The following ATP9B variants were observed in gnomAD, a reference collection of about 807,000 sequenced individuals.
ATP9B encodes the protein probable phospholipid-transporting ATPase IIB.
A neutral mutation model predicts 146.1 loss-of-function variants in ATP9B; 110 were observed. The ratio of observed to expected loss-of-function variants is 0.75; its 90% confidence interval spans 0.65 to 0.88. The LOEUF is 0.88. ATP9B is among the 40% of genes least tolerant of loss of function. The pLI, the probability that ATP9B is intolerant of heterozygous loss-of-function variation, is 0.00. For missense variants in ATP9B, 1,499 were observed against 1,496.4 expected (o/e 1.00, Z -0.03); for synonymous variants, 604 against 569.7 (o/e 1.06, Z -0.86).
intron 1 of ATP9B, among the ~76,000 whole-genome samples, chr18:79,090,065 C>T (rs1016706288): frequency 4.6e-5 from 7 of 152,080 alleles, no homozygotes; most frequent in African/African-American, 1.7e-4. Flanking sequence ...AAAATAATGT[C>T]CTTTTGTTCC....
intron 25 of ATP9B, among the ~76,000 whole-genome samples, chr18:79,351,774 G>A (rs1381398489): frequency 1.3e-5 from 2 of 152,082 alleles, no homozygotes; most frequent in African/African-American, 4.8e-5. Flanking sequence ...GGAAACCCAG[G>A]GAGGGACCAG....
At chr18:79,080,448 G>A (rs2073125191) in intron 1 of ATP9B, among the ~76,000 whole-genome samples, 1 of 152,120 alleles carries the variant, frequency 6.6e-6, no homozygotes, top group African/African-American at 2.4e-5. Flanking sequence ...TTGTCTATTG[G>A]TGTATAGGAA....
chr18:79,362,316 C>T (rs1358016817), intron 26 of ATP9B: 7 of 152,074 alleles, frequency 4.6e-5, no homozygotes, highest in East Asian at 1.9e-4. Context: ...TGCTGTGTCT[C>T]GATGGCCTGA....
Position 79,290,713 on chromosome 18 carries a change from C to T in ATP9B, c.1412-12891C>T, listed in dbSNP as rs559436234. The stretch of plus-strand genomic sequence containing the variant: ...AATCACCCATCTTCTGCCTTGCTCA[C>T]GCTGGGAGCTGTAGACTGGAGCTGT... On this transcript the variant is annotated intron_variant, in intron 13 of 29. Coordinates refer to ENST00000426216, the MANE Select transcript of ATP9B (RefSeq NM_198531.5). Among the ~76,000 whole-genome samples the T allele has an allele frequency of 2.0e-4, 30 of 152,356 alleles. No individual in the cohort carries two copies. The East Asian group carries it at 4.2e-3, about 22-fold the overall frequency.
At position 79,154,554 on chromosome 18, in the gene ATP9B, A is replaced by G; in HGVS notation, c.777A>G (p.Ala259=). ...TGTTTCTTAGGACTTCAGAAAAAGC[A>G]GGTATTTTTACATTTAAAAAAACTT... ...DMVFLRTSEK[A]GSCFIRTDQL... is the part of the protein sequence containing the mutation. Residue 259 remains alanine, a splice_region_variant and synonymous_variant, in exon 7 of 30, where the codon GCA becomes GCG. Transcript: ENST00000426216. The G allele has an allele frequency of 6.6e-7, 1 of 1,522,542 alleles. No homozygotes were observed. The highest frequency in any genetic ancestry group is 1.4e-5 in the South Asian group (1 of 73,778). 94.3% of individuals were successfully genotyped at this position (1,522,542 alleles called of 1,614,324 possible). A position where few individuals can be genotyped will look rare whatever the true frequency, so the allele number is the denominator to read the frequency against.
At chr18:79,081,104 G>A (rs1292314995) in intron 1 of ATP9B, among the ~76,000 whole-genome samples, 3 of 152,164 alleles carry the variant, frequency 2.0e-5, no homozygotes, top group Admixed American at 6.5e-5. Context: ...TCTCTGCCAG[G>A]TTTTGTTATC....
intron 4 of ATP9B, among the ~76,000 whole-genome samples, 181 bp downstream of exon 4, chr18:79,113,535 A>G (rs2094010361): frequency 6.6e-6 from 1 of 152,226 alleles, no homozygotes. Context: ...CATGGGAAGT[A>G]TGGTGGCAGC....
chr18:79,209,645 A>T (rs1004628773), intron 10 of ATP9B: 3 of 985,260 alleles, frequency 3.0e-6, no homozygotes, highest in Non-Finnish European at 3.6e-6. Context: ...TCTCTTTGCC[A>T]TCTAGCATTC....
intron 2 of ATP9B, among the ~76,000 whole-genome samples, chr18:79,098,062 C>G (rs1006745528): frequency 1.8e-4 from 27 of 150,874 alleles, no homozygotes; most frequent in Non-Finnish European, 2.8e-4. Context: ...TGGAACAGAA[C>G]AGAGCCCTCA....
At position 79,143,793 on chromosome 18, in the gene ATP9B, T is replaced by A; in HGVS notation, c.668-9T>A. On this transcript the variant is annotated splice_polypyrimidine_tract_variant and intron_variant, in intron 5 of 29. Transcript: ENST00000426216. Reference sequence around the variant, plus strand: ...TCCTTGAGTTGACTGTACTTCTTCTTTTTTTAAGGTAAAGTGCAAGTTAAG... The same window carrying A: ...TCCTTGAGTTGACTGTACTTCTTCTATTTTTAAGGTAAAGTGCAAGTTAAG... 6.4e-7 allele frequency: 1 copy of A among 1,562,772 alleles called. No individual in the cohort carries two copies. The highest frequency in any genetic ancestry group is 2.3e-5 in the East Asian group (1 of 43,714).
chr18:79,261,120 T>A (rs531136537), intron 12 of ATP9B, among the ~76,000 whole-genome samples: 23 of 152,252 alleles, frequency 1.5e-4, no homozygotes, highest in African/African-American at 5.3e-4. Context: ...GCTGTTTGGA[T>A]GAAATTTTGG....
At chr18:79,361,307 A>G (rs535562434) in intron 26 of ATP9B, 1 of 152,326 alleles carries the variant, frequency 6.6e-6, no homozygotes, top group African/African-American at 2.4e-5. Context: ...TCTAGTAACA[A>G]GAGGTTCATA....
chr18:79,221,902 C>T (rs1600612664), intron 11 of ATP9B, among the ~76,000 whole-genome samples: 2 of 118,810 alleles, frequency 1.7e-5, no homozygotes, highest in East Asian at 2.7e-4. Context: ...TTTATTTTGG[C>T]CAATTTTGTT....
At chr18:79,195,949 A>G (rs953500330) in intron 9 of ATP9B, among the ~76,000 whole-genome samples, 5 of 152,222 alleles carry the variant, frequency 3.3e-5, no homozygotes, top group African/African-American at 1.2e-4. Context: ...ATTAAATACA[A>G]GGATGTCTGA....
In ATP9B at chr18:79,220,256, C is replaced by T. The variant is rs113591179; in HGVS notation, c.1107+6218C>T. 5.6e-3 allele frequency among the ~76,000 whole-genome samples: 856 copies of T among 152,278 alleles called. 2 individuals are homozygous for T. Among genetic ancestry groups the T allele is most frequent in the Non-Finnish European group, 7.7e-3 (526 of 68,014 alleles). On this transcript the variant is annotated intron_variant, in intron 11 of 29. Coordinates refer to ENST00000426216, the MANE Select transcript of ATP9B (RefSeq NM_198531.5). ...GAGGCTGTTACAGACACTGGATTAT[C>T]TAAAATTATAAGCTTTTATATAATA...
chr18:79,347,990 G>A (rs531283781), intron 24 of ATP9B, 65 bp downstream of exon 24: 1 of 1,605,488 alleles, frequency 6.2e-7, no homozygotes, highest in Non-Finnish European at 8.5e-7. Context: ...GTCCGGGAAG[G>A]GCAGGGTCCG....
At chr18:79,099,075 C>T (rs1484667022) in intron 2 of ATP9B, among the ~76,000 whole-genome samples, 1 of 152,116 alleles carries the variant, frequency 6.6e-6, no homozygotes, top group Non-Finnish European at 1.5e-5. Flanking sequence ...TTGACTTTAA[C>T]TCGCTTTTCT....
chr18:79,213,785 A>G (rs977088027), intron 10 of ATP9B, among the ~76,000 whole-genome samples, 177 bp from the exon 11 acceptor site: 1 of 152,190 alleles, frequency 6.6e-6, no homozygotes, highest in Admixed American at 6.5e-5. Context: ...TTCAAAGTCC[A>G]TTTTTAAAGT....
intron 1 of ATP9B, among the ~76,000 whole-genome samples, chr18:79,071,091 CTT>C (rs2071708836): frequency 8.2e-6 from 1 of 122,138 alleles, no homozygotes; most frequent in African/African-American, 3.5e-5. Flanking sequence ...TACTTGGACA[CTT>C]TTTTGGTATC....
Sources: allele counts gnomAD v4.1 joint callset (sites outside exome capture counted in the v4.1 genomes callset), GRCh38; gene constraint gnomAD v4.1.1; transcripts MANE v1.5; gene names NCBI Gene and HGNC (gene_info 2026-07-23, HGNC 2026-07-21).